Variants in HBS1L observed in about 807,000 individuals in gnomAD.
The protein encoded by HBS1L is HBS1 like translational GTPase.
In HBS1L, 55 loss-of-function variants were observed where a neutral mutation model predicts 88.9. That is an observed-to-expected ratio of 0.62 (90% CI 0.50 to 0.77). HBS1L has a LOEUF of 0.77. Ranked by LOEUF, HBS1L falls within the 30% of genes least tolerant of loss-of-function variation. The probability of loss-of-function intolerance (pLI) is 0.00; values close to 1 mark genes in which losing one functional copy is unlikely to be tolerated. For missense variants in HBS1L, 741 were observed against 829.3 expected (o/e 0.89, Z 1.31); for synonymous variants, 267 against 288.5 (o/e 0.93, Z 0.76).
chr6:135,050,781 C>A, intron 1 of HBS1L, 134 bp from the exon 2 acceptor site: 1 of 601,460 alleles, frequency 1.7e-6, no homozygotes, highest in Non-Finnish European at 2.9e-6. Context: ...TGTCTATTTT[C>A]AAAAAAACTC....
intron 14 of HBS1L, 29 bp from the exon 15 acceptor site, chr6:134,978,816 G>A (rs1774730004): frequency 3.7e-6 from 5 of 1,339,174 alleles, no homozygotes; most frequent in Middle Eastern, 1.8e-4. Flanking sequence ...AAGAGGAAAG[G>A]TAATTGGGGG....
intron 4 of HBS1L, among the ~76,000 whole-genome samples, chr6:135,003,919 A>G (rs540483422): frequency 6.6e-6 from 1 of 152,284 alleles, no homozygotes; most frequent in South Asian, 2.1e-4. Flanking sequence ...GATGGAGGAG[A>G]ATAAATTATG....
At chr6:134,968,084 C>T (rs1774368473) in intron 16 of HBS1L, among the ~76,000 whole-genome samples, 1 of 152,026 alleles carries the variant, frequency 6.6e-6, no homozygotes, top group African/African-American at 2.4e-5. Context: ...ACCCACTAAC[C>T]ACATTTGGCC....
At position 134,997,442 on chromosome 6, in the gene HBS1L, C is replaced by T; in HGVS notation, c.754G>A (p.Glu252Lys). The part of the protein sequence containing the change: ...RQQIDVKAEL[E>K]KRQGGKQLLN... ...AGCTGCTTCCCTCCTTGCCGCTTCTCCAGTTCCGCCTTCACATCTATTTGC... is the reference window on the plus strand; with the variant it reads ...AGCTGCTTCCCTCCTTGCCGCTTCTTCAGTTCCGCCTTCACATCTATTTGC... Residue 252 changes from glutamate to lysine, a missense_variant, in exon 6 of 18, where the codon GAG becomes AAG. Glu to Lys is a moderately conservative substitution (Grantham distance 56, BLOSUM62 1). This residue lies in a region of HBS1L where 556 missense variants were observed against 598.4 expected (regional missense o/e 0.93). Coordinates refer to ENST00000367837, the MANE Select transcript of HBS1L (RefSeq NM_006620.4). 6.2e-7 allele frequency: 1 copy of T among 1,614,080 alleles called. No homozygotes were observed. The highest frequency in any genetic ancestry group is 8.5e-7 in the Non-Finnish European group (1 of 1,179,982).
chr6:134,975,250 G>A (rs1325567483), intron 15 of HBS1L, among the ~76,000 whole-genome samples: 1 of 152,100 alleles, frequency 6.6e-6, no homozygotes, highest in Admixed American at 6.5e-5. Context: ...AAACACAGCT[G>A]AAAGAAATCA....
rs950214048 is a variant in HBS1L at position 135,002,307 on chromosome 6, A to G, written c.539+427T>C. On this transcript the variant is annotated intron_variant, in intron 5 of 17. Transcript: ENST00000367837. ...CGTCTTTGCTACAATGGTCCAATTTATTCAATATGAAAATCCAAAAGAGTT... is the reference window on the plus strand; with the variant it reads ...CGTCTTTGCTACAATGGTCCAATTTGTTCAATATGAAAATCCAAAAGAGTT... Among the ~76,000 whole-genome samples, 16 of 152,336 alleles carry G rather than the reference A, an allele frequency of 1.1e-4. No homozygotes were observed. The East Asian group carries it at 2.7e-3, about 26-fold the overall frequency.
chr6:135,000,636 A>G (rs1775425471), intron 5 of HBS1L, among the ~76,000 whole-genome samples: 1 of 151,678 alleles, frequency 6.6e-6, no homozygotes, highest in Admixed American at 6.6e-5. Flanking sequence ...TGCATTATGC[A>G]CTATCCTTTT....
intron 14 of HBS1L, 133 bp from the exon 15 acceptor site, chr6:134,978,920 T>C (rs1774733011): frequency 1.6e-6 from 1 of 636,574 alleles, no homozygotes; most frequent in African/African-American, 1.8e-5. Flanking sequence ...TATTCTCTTC[T>C]GAGCTAAAGC....
Position 134,965,097 on chromosome 6 carries a change from A to G in HBS1L, c.*182T>C. On this transcript the variant is annotated 3_prime_UTR_variant, in exon 18 of 18. Transcript: ENST00000367837. ...CATTAGACTTTCTTTGCCAGTTGGC[A>G]ACTTAGAATTTTTGCAGAGGTGATT... 1 of 605,896 alleles carries G rather than the reference A, an allele frequency of 1.7e-6. No homozygotes were observed. Among genetic ancestry groups the G allele is most frequent in the African/African-American group, 1.9e-5 (1 of 52,072 alleles). 37.5% of individuals were successfully genotyped at this position (605,896 alleles called of 1,614,324 possible).
Position 134,986,104 on chromosome 6 carries a change from G to A in HBS1L, c.1385C>T (p.Thr462Ile), listed in dbSNP as rs1229311678. The A allele has an allele frequency of 1.3e-6, 2 of 1,591,234 alleles. No individual in the cohort carries two copies. The highest frequency in any genetic ancestry group is 1.1e-5 in the South Asian group (1 of 90,270). The stretch of plus-strand genomic sequence containing the variant: ...TAAACATAGTCCTTTATACCATTTT[G>A]TGAGTTCACTTGACTGAGATCTTGT... ...LITRSQSSEL[T>I]KWYKGLCLLE... Residue 462 changes from threonine to isoleucine, a missense_variant, in exon 11 of 18, where the codon ACA (threonine) becomes ATA (isoleucine). This residue lies in a region of HBS1L where 556 missense variants were observed against 598.4 expected (regional missense o/e 0.93). Coordinates refer to ENST00000367837, the MANE Select transcript of HBS1L (RefSeq NM_006620.4).
At chr6:135,027,178 ACT>A (rs1776251619) in intron 4 of HBS1L, 1 of 125,382 alleles carries the variant, frequency 8.0e-6, no homozygotes, top group South Asian at 2.8e-4. Context: ...GGTGACAGAG[ACT>A]CTATCTCAAA....
chr6:135,048,152 A>G (rs1415861558), intron 2 of HBS1L, among the ~76,000 whole-genome samples: 1 of 152,216 alleles, frequency 6.6e-6, no homozygotes, highest in Non-Finnish European at 1.5e-5. Flanking sequence ...TGAAAGGGAC[A>G]CCGGAAAGCC....
rs1302668544 is a variant in HBS1L, at chr6:134,997,658, T to C, written c.540-2A>G. 5 of 1,613,544 alleles carry C rather than the reference T, an allele frequency of 3.1e-6. No homozygotes were observed. The highest frequency in any genetic ancestry group is 4.2e-6 in the Non-Finnish European group (5 of 1,179,566). On this transcript the variant is annotated splice_acceptor_variant, in intron 5 of 17. Transcript: ENST00000367837. LOFTEE classifies it high-confidence loss of function. The stretch of plus-strand genomic sequence containing the variant: ...TGACCATTTTCTTCAGAAGATACTC[T>C]ACAGAAGGCAGATAGGAAAAAAGTA...
intron 14 of HBS1L, 74 bp from the exon 15 acceptor site, chr6:134,978,861 A>G: frequency 1.1e-6 from 1 of 874,702 alleles, no homozygotes; most frequent in East Asian, 2.5e-5. Flanking sequence ...CCTCAAAAAC[A>G]TTTACAAGGA....
At chr6:135,043,985 T>C (rs1246308704) in intron 2 of HBS1L, among the ~76,000 whole-genome samples, 1 of 152,180 alleles carries the variant, frequency 6.6e-6, no homozygotes, top group Non-Finnish European at 1.5e-5. Context: ...AATATTATGC[T>C]GCAAGATAAT....
At chr6:135,035,002 T>G (rs1034577672) in intron 4 of HBS1L, among the ~76,000 whole-genome samples, 12 of 152,234 alleles carry the variant, frequency 7.9e-5, no homozygotes, top group African/African-American at 2.4e-4. Flanking sequence ...TGATTCTGAT[T>G]GCTAGTTGAG....
chr6:135,054,524 TG>T, intron 1 of HBS1L, 124 bp downstream of exon 1: 2 of 1,088,342 alleles, frequency 1.8e-6, no homozygotes, highest in Non-Finnish European at 1.4e-6. Context: ...ATTCCCCAAC[TG>T]GGGCTCTCCC....
At position 134,961,774 on chromosome 6, in the gene HBS1L, T is replaced by C. The variant is rs1382995241; in HGVS notation, c.*3505A>G. On this transcript the variant is annotated 3_prime_UTR_variant, in exon 18 of 18. Coordinates refer to ENST00000367837, the MANE Select transcript of HBS1L (RefSeq NM_006620.4). ...TTCTTAGCAAGCCCCTCCTTACACC[T>C]TCCCACTGAGAAGCACCCATAGACC... 6.6e-6 allele frequency: 1 copy of C among 151,500 alleles called. No individual in the cohort carries two copies. The highest frequency in any genetic ancestry group is 1.5e-5 in the Non-Finnish European group (1 of 68,032). The allele number at this position is 151,500 out of a possible 1,614,324, so 9.4% of individuals were successfully genotyped here.
chr6:134,998,118 T>A (rs916134213), intron 5 of HBS1L, among the ~76,000 whole-genome samples: 2 of 152,224 alleles, frequency 1.3e-5, no homozygotes, highest in Non-Finnish European at 2.9e-5. Context: ...AGGGGAGATA[T>A]CTCTAAATGA....
Sources: gnomAD v4.1 joint callset for allele counts (sites outside exome capture counted in the v4.1 genomes callset) on GRCh38, gnomAD v4.1.1 for gene constraint, gnomAD v4.1.1 regional missense constraint, MANE v1.5 for transcripts, NCBI Gene and HGNC (gene_info 2026-07-23, HGNC 2026-07-21) for gene names.